Variants in VIPR2 observed in about 807,000 individuals in gnomAD.
The protein encoded by VIPR2 is vasoactive intestinal peptide receptor 2.
A neutral mutation model predicts 58.0 loss-of-function variants in VIPR2; 48 were observed. The observed-to-expected ratio is 0.83, with a 90% confidence interval of 0.66 to 1.05. The LOEUF (loss-of-function observed/expected upper bound fraction) is 1.05, where lower values mean the gene tolerates loss of function less well. Among genes scored for constraint, VIPR2 ranks in the 50% least tolerant of loss-of-function variants. The probability of loss-of-function intolerance (pLI) is 0.00; values close to 1 mark genes in which losing one functional copy is unlikely to be tolerated. For missense variants in VIPR2, 534 were observed against 558.0 expected (o/e 0.96, Z 0.43); for synonymous variants, 243 against 235.2 (o/e 1.03, Z -0.30).
chr7:159,074,446 G>C (rs1856547094), intron 4 of VIPR2, among the ~76,000 whole-genome samples: 1 of 152,160 alleles, frequency 6.6e-6, no homozygotes, highest in East Asian at 1.9e-4. Context: ...TGTGAGGGTG[G>C]AGCCCTCATG....
chr7:159,077,084 T>C (rs1161435033), intron 4 of VIPR2, among the ~76,000 whole-genome samples: 1 of 152,230 alleles, frequency 6.6e-6, no homozygotes, highest in Non-Finnish European at 1.5e-5. Flanking sequence ...AGAATGTGCA[T>C]TGAACCACTA....
chr7:159,074,299 A>G (rs1856541066), intron 4 of VIPR2, among the ~76,000 whole-genome samples: 1 of 152,212 alleles, frequency 6.6e-6, no homozygotes, highest in Non-Finnish European at 1.5e-5. Flanking sequence ...AAGCAACAGA[A>G]GAGAAATCCA....
At chr7:159,060,455 C>A (rs1307870199) in intron 4 of VIPR2, among the ~76,000 whole-genome samples, 1 of 152,148 alleles carries the variant, frequency 6.6e-6, no homozygotes. Context: ...ACTCTCAATT[C>A]ATCTAACCCA....
chr7:159,114,878 G>A (rs1267544388), intron 2 of VIPR2, among the ~76,000 whole-genome samples: 1 of 152,140 alleles, frequency 6.6e-6, no homozygotes, highest in African/African-American at 2.4e-5. Context: ...AAAAGAGAAA[G>A]AGCAAGTATT....
intron 2 of VIPR2, among the ~76,000 whole-genome samples, chr7:159,111,737 A>G (rs1446843254): frequency 6.6e-6 from 1 of 152,022 alleles, no homozygotes; most frequent in African/African-American, 2.4e-5. Context: ...GGCTGGGTGT[A>G]GTGACTCATG....
At chr7:159,035,593 A>G (rs1217647315) in intron 8 of VIPR2, 1 of 789,384 alleles carries the variant, frequency 1.3e-6, no homozygotes, top group African/African-American at 1.9e-5. Flanking sequence ...CCCTGCAGCC[A>G]CCATCACCTG....
chr7:159,125,813 G>C (rs1196646226), intron 2 of VIPR2, among the ~76,000 whole-genome samples: 1 of 152,144 alleles, frequency 6.6e-6, no homozygotes. Context: ...ACCATGCAGA[G>C]CAAGGGCCCC....
intron 4 of VIPR2, among the ~76,000 whole-genome samples, chr7:159,089,948 A>G (rs1459477668): frequency 6.6e-6 from 1 of 152,252 alleles, no homozygotes; most frequent in African/African-American, 2.4e-5. Flanking sequence ...TGTGGATGAA[A>G]GGGGATGGCA....
intron 5 of VIPR2, among the ~76,000 whole-genome samples, chr7:159,047,178 T>C (rs975237118): frequency 1.3e-5 from 2 of 152,160 alleles, no homozygotes; most frequent in Non-Finnish European, 2.9e-5. Context: ...GAGGTTGAGA[T>C]TGAATCCAGG....
chr7:159,136,972 C>T (rs527625241), intron 2 of VIPR2, among the ~76,000 whole-genome samples: 86 of 152,110 alleles, frequency 5.7e-4, no homozygotes, highest in African/African-American at 1.8e-3. Context: ...AGACAGAGAT[C>T]AAGGGAGGGG....
At position 159,032,021 on chromosome 7, in the gene VIPR2, G is replaced by T. The variant is rs1026775538; in HGVS notation, c.1018C>A (p.His340Asn). Residue 340 changes from histidine (H) to asparagine (N), a missense_variant, in exon 11 of 13, where the codon CAC becomes AAC. His to Asn is a moderately conservative substitution (Grantham distance 68). Coordinates refer to ENST00000262178, the MANE Select transcript of VIPR2 (RefSeq NM_003382.5). ...GGAAACACGGCAAACACCATGTAGT[G>T]GACGCCGAACAGCGGGATAAGCAGG... is the stretch of plus-strand genomic sequence containing the variant. ...TLLLIPLFGVHYMVFAVFPIS... is the reference protein window; with the variant it reads ...TLLLIPLFGVNYMVFAVFPIS... 1.2e-6 allele frequency: 2 copies of T among 1,614,026 alleles called. No homozygotes were observed. Among genetic ancestry groups the T allele is most frequent in the Non-Finnish European group, 1.7e-6 (2 of 1,180,058 alleles).
rs371927783 is a variant in VIPR2, at chr7:159,031,800, C to T, written c.1143+28G>A. ...CTCAGGAAGCAAGTGAGTACCTGTG[C>T]TTGGTTCCAAGGCGGCCATGAACTT... On this transcript the variant is annotated intron_variant, in intron 12 of 12. Coordinates refer to ENST00000262178, the MANE Select transcript of VIPR2 (RefSeq NM_003382.5). This position sits in a 1 kb window ranked among gnomAD's most constrained non-coding sequence, Gnocchi z 4.0. 2.7e-5 allele frequency: 44 copies of T among 1,613,714 alleles called. 1 individual carries two copies. The highest frequency in any genetic ancestry group is 3.6e-5 in the Non-Finnish European group (43 of 1,180,000).
intron 1 of VIPR2, 96 bp downstream of exon 1, chr7:159,144,625 C>T (rs1418271049): frequency 7.2e-7 from 1 of 1,382,592 alleles, no homozygotes; most frequent in South Asian, 1.7e-5. Context: ...CTCCAGCACC[C>T]GGGAGGAAGG....
intron 5 of VIPR2, among the ~76,000 whole-genome samples, chr7:159,045,969 C>T (rs1854622846): frequency 6.6e-6 from 1 of 151,060 alleles, no homozygotes; most frequent in Admixed American, 6.6e-5. Context: ...TCTATTTCTC[C>T]AAAGATATAC....
chr7:159,038,330 T>C (rs1383801004), intron 6 of VIPR2, among the ~76,000 whole-genome samples: 1 of 152,182 alleles, frequency 6.6e-6, no homozygotes, highest in Admixed American at 6.5e-5. Context: ...TCTGAGACAC[T>C]GCACAGGTGA....
In VIPR2 at chr7:159,095,464, C is replaced by A. The variant is rs1184274127; in HGVS notation, c.357+8293G>T. ...GAAAGATACAGCAGAGAGAATGTGA[C>A]AACTGAGTTTCCTCTTTGTACTGAC... On this transcript the variant is annotated intron_variant, in intron 4 of 12. Coordinates refer to ENST00000262178, the MANE Select transcript of VIPR2 (RefSeq NM_003382.5). The surrounding 1 kb of genome is among the most constrained non-coding windows in gnomAD (Gnocchi z 5.2). Among the ~76,000 whole-genome samples, 1 of 152,346 alleles carries A rather than the reference C, an allele frequency of 6.6e-6. No individual in the cohort carries two copies. The highest frequency in any genetic ancestry group is 1.5e-5 in the Non-Finnish European group (1 of 68,036).
intron 2 of VIPR2, among the ~76,000 whole-genome samples, chr7:159,123,274 A>C (rs907456612): frequency 1.5e-5 from 2 of 129,890 alleles, no homozygotes; most frequent in African/African-American, 5.9e-5. Context: ...GCCTGGTGAC[A>C]GAGCAAGACT....
At chr7:159,064,129 CG>C (rs149678428) in intron 4 of VIPR2, among the ~76,000 whole-genome samples, 23,223 of 151,888 alleles carry the variant, frequency 0.15, 2,134 homozygotes, top group Non-Finnish European at 0.21. Context: ...GGGGAAGCCG[CG>C]CCCGGCGTGG....
intron 4 of VIPR2, among the ~76,000 whole-genome samples, chr7:159,062,033 A>T (rs1055786944): frequency 2.6e-5 from 4 of 152,158 alleles, no homozygotes; most frequent in African/African-American, 2.4e-5. Flanking sequence ...CCCCATCCCG[A>T]GGGCCCTGCA....
Sources: allele counts gnomAD v4.1 joint callset (sites outside exome capture counted in the v4.1 genomes callset), GRCh38; gene constraint gnomAD v4.1.1; non-coding constraint Gnocchi (gnomAD v3.1); transcripts MANE v1.5; gene names NCBI Gene and HGNC (gene_info 2026-07-23, HGNC 2026-07-21).